Variants in LINGO1 observed in about 807,000 individuals in gnomAD.
The protein encoded by LINGO1 is leucine-rich repeat and immunoglobulin-like domain-containing nogo receptor-interacting protein 1.
Under a neutral mutation model 37.3 loss-of-function variants are expected in LINGO1, and 11 were observed. The observed-to-expected ratio is 0.29, with a 90% confidence interval of 0.19 to 0.49. The LOEUF (loss-of-function observed/expected upper bound fraction) is 0.49, where lower values mean the gene tolerates loss of function less well. LINGO1 is among the 20% of genes least tolerant of loss of function. The pLI is 0.99. For missense variants in LINGO1, 585 were observed against 878.2 expected, an observed-to-expected ratio of 0.67 and a Z score of 4.22; for synonymous variants, 387 against 403.0, an observed-to-expected ratio of 0.96 and a Z score of 0.48.
intron 2 of LINGO1, among the ~76,000 whole-genome samples, chr15:77,717,396 T>C (rs2075997392): frequency 6.6e-6 from 1 of 150,576 alleles, no homozygotes; most frequent in Non-Finnish European, 1.5e-5. Context: ...AGCCAGCCTG[T>C]GGGGCCGCCA....
At chr15:77,794,334 A>ATG (rs1165962750) in intron 2 of LINGO1, among the ~76,000 whole-genome samples, 1 of 126,024 alleles carries the variant, frequency 7.9e-6, no homozygotes, top group South Asian at 2.4e-4. Flanking sequence ...ACATATATGT[A>ATG]TATACATACA....
intron 1 of LINGO1, among the ~76,000 whole-genome samples, chr15:77,751,755 G>T (rs2076373742): frequency 1.3e-5 from 2 of 152,214 alleles, no homozygotes; most frequent in Non-Finnish European, 2.9e-5. Context: ...CCCAGTCCCT[G>T]GGAGAAGTTA....
intron 3 of LINGO1, among the ~76,000 whole-genome samples, chr15:77,670,012 A>G (rs192329965): frequency 2.4e-4 from 37 of 152,324 alleles, no homozygotes; most frequent in Admixed American, 1.4e-3. Context: ...CATTCAGCCA[A>G]AAAAAAGAAT....
chr15:77,805,477 G>A (rs1052842280), intron 1 of LINGO1, among the ~76,000 whole-genome samples: 2 of 152,200 alleles, frequency 1.3e-5, no homozygotes, highest in African/African-American at 4.8e-5. Flanking sequence ...CAGGTGCCCA[G>A]CCTATGCCTA....
chr15:77,650,530 A>C lies in LINGO1; in HGVS notation c.-13+26559T>G, dbSNP rs184562156. The stretch of plus-strand genomic sequence containing the variant: ...TGGGCTGAGCAGTATGAGTCAGCCC[A>C]TCAGAACCCAGAGGCCAGGGCTGGG... On this transcript the variant is annotated intron_variant, in intron 3 of 3. Transcript: ENST00000559893. 2.0e-5 allele frequency among the ~76,000 whole-genome samples: 3 copies of C among 152,322 alleles called. No individual in the cohort carries two copies. The East Asian group carries it at 5.8e-4, about 29-fold the overall frequency.
intron 1 of LINGO1, among the ~76,000 whole-genome samples, chr15:77,629,305 C>G (rs1193399855): frequency 6.6e-6 from 1 of 152,190 alleles, no homozygotes; most frequent in Non-Finnish European, 1.5e-5. Context: ...TTCGTTCATT[C>G]ATTCATTCAT....
At chr15:77,643,782 C>G (rs1014346054) in intron 3 of LINGO1, among the ~76,000 whole-genome samples, 8 of 152,196 alleles carry the variant, frequency 5.3e-5, no homozygotes, top group African/African-American at 1.9e-4. Context: ...GAGTCTGGTG[C>G]CACCTCCAGG....
At chr15:77,739,077 G>A (rs377039280) in intron 1 of LINGO1, among the ~76,000 whole-genome samples, 8 of 152,228 alleles carry the variant, frequency 5.3e-5, no homozygotes, top group African/African-American at 1.9e-4. Context: ...GGGAGTCTGC[G>A]GCTCTCACAC....
chr15:77,771,063 A>G (rs865876976), intron 1 of LINGO1, among the ~76,000 whole-genome samples: 60 of 152,176 alleles, frequency 3.9e-4, no homozygotes, highest in African/African-American at 1.3e-3. Context: ...GAGAGAGGAG[A>G]GGTCAAACAG....
At chr15:77,663,676 T>A (rs2075048351) in intron 3 of LINGO1, among the ~76,000 whole-genome samples, 1 of 152,194 alleles carries the variant, frequency 6.6e-6, no homozygotes, top group African/African-American at 2.4e-5. Flanking sequence ...AGTGTTTGGG[T>A]GTTCTCTGCG....
Sources: allele counts gnomAD v4.1 joint callset (sites outside exome capture counted in the v4.1 genomes callset), GRCh38; gene constraint gnomAD v4.1.1; transcripts MANE v1.5; gene names NCBI Gene and HGNC (gene_info 2026-07-23, HGNC 2026-07-21).